The following GNG3 variants were observed in gnomAD, a reference collection of about 807,000 sequenced individuals.
GNG3 encodes the protein guanine nucleotide-binding protein G(I)/G(S)/G(O) subunit gamma-3.
A neutral mutation model predicts 5.6 loss-of-function variants in GNG3; 4 were observed. That is an observed-to-expected ratio of 0.71 (90% CI 0.35 to 1.63). The LOEUF (loss-of-function observed/expected upper bound fraction) is 1.63. Ranked by LOEUF, GNG3 falls within the 40% of genes most tolerant of loss-of-function variation. The probability of loss-of-function intolerance (pLI) is 0.05; values close to 1 mark genes in which losing one functional copy is unlikely to be tolerated. For synonymous variants in GNG3, 30 were observed against 33.5 expected, an observed-to-expected ratio of 0.89 and a Z score of 0.36; for missense variants, 62 against 96.6, an observed-to-expected ratio of 0.64 and a Z score of 1.50.
chr11:62,708,242 G>A, intron 1 of GNG3, 53 bp from the exon 2 acceptor site: 1 of 1,160,260 alleles, frequency 8.6e-7, no homozygotes. Context: ...GAGTGAGCAT[G>A]GAGGGGGGCC....
chr11:62,707,930 GT>G lies in GNG3; in HGVS notation c.-2+20del. The G allele has an allele frequency of 3.2e-6, 1 of 308,116 alleles. No individual in the cohort carries two copies. The highest frequency in any genetic ancestry group is 6.2e-6 in the Non-Finnish European group (1 of 160,346). The allele number at this position is 308,116 out of a possible 1,614,324, so 19.1% of individuals were successfully genotyped here. A position where few individuals can be genotyped will look rare whatever the true frequency, so the allele number is the denominator to read the frequency against. ...TGTGGCTTCAGGTAAGTAATGGCCT[GT>G]TTTTCTCCTGTTGGGGCTCACTGGA... On this transcript the variant is annotated intron_variant, in intron 1 of 2. Coordinates refer to ENST00000294117, the MANE Select transcript of GNG3 (RefSeq NM_012202.5).
In GNG3 at chr11:62,708,408, T is replaced by C. The variant is rs1007899107; in HGVS notation, c.99+14T>C. 3.8e-6 allele frequency: 6 copies of C among 1,575,948 alleles called. No homozygotes were observed. Among genetic ancestry groups the C allele is most frequent in the East Asian group, 2.2e-5 (1 of 44,696 alleles). ...TGTCGGATAAAGGTAGGTGGGACCC[T>C]GGCTGGCTCCCATTAGTTGGCCAGG... On this transcript the variant is annotated intron_variant, in intron 2 of 2. Transcript: ENST00000294117.
Position 62,709,197 on chromosome 11 carries a change from C to A in GNG3, c.*391C>A, listed in dbSNP as rs1226739751. The A allele has an allele frequency of 4.4e-6, 2 of 457,350 alleles. No homozygotes were observed. The highest frequency in any genetic ancestry group is 2.0e-5 in the African/African-American group (1 of 50,218). 28.3% of individuals were successfully genotyped at this position (457,350 alleles called of 1,614,324 possible). On this transcript the variant is annotated 3_prime_UTR_variant, in exon 3 of 3. Coordinates refer to ENST00000294117, the MANE Select transcript of GNG3 (RefSeq NM_012202.5). ...ATTTGAAGAATAAAGTCATCCAGAG[C>A]CTCAGGACAGCTCCTGTGTTAGAAT...
Position 62,708,764 on chromosome 11 carries a change from G to A in GNG3, c.186G>A (p.Glu62=). The part of the protein sequence containing the change: ...DPLITPVPTS[E]NPFREKKFFC... ...TCATCACCCCTGTGCCCACTTCGGAGAACCCCTTCCGGGAGAAGAAGTTCT... is the reference window on the plus strand; with the variant it reads ...TCATCACCCCTGTGCCCACTTCGGAAAACCCCTTCCGGGAGAAGAAGTTCT... Residue 62 remains glutamate, a synonymous_variant, in exon 3 of 3, where the codon GAG becomes GAA. Transcript: ENST00000294117. 6.2e-7 allele frequency: 1 copy of A among 1,614,116 alleles called. No individual in the cohort carries two copies. Among genetic ancestry groups the A allele is most frequent in the East Asian group, 2.2e-5 (1 of 44,886 alleles).
Position 62,708,843 on chromosome 11 carries a change from C to G in GNG3, c.*37C>G. On this transcript the variant is annotated 3_prime_UTR_variant, in exon 3 of 3. Coordinates refer to ENST00000294117, the MANE Select transcript of GNG3 (RefSeq NM_012202.5). ...CCTTCTCACAACTCCTCCCTTTTCC[C>G]TCTCCTGGGCCCTTCCTTAGGTCAG... 2.6e-6 allele frequency: 4 copies of G among 1,511,700 alleles called. No individual in the cohort carries two copies. Among genetic ancestry groups the G allele is most frequent in the Non-Finnish European group, 3.7e-6 (4 of 1,089,436 alleles). 93.6% of individuals were successfully genotyped at this position (1,511,700 alleles called of 1,614,324 possible). A position where few individuals can be genotyped will look rare whatever the true frequency, so the allele number is the denominator to read the frequency against.
chr11:62,706,771 G>C, upstream of GNG3: 1 of 548,482 alleles, frequency 1.8e-6, no homozygotes, highest in South Asian at 1.5e-5. Flanking sequence ...GGCCTCTTGC[G>C]TTGTTGCGCA....
chr11:62,708,640 G>A (rs374536489), intron 2 of GNG3, 38 bp from the exon 3 acceptor site: 3 of 1,610,442 alleles, frequency 1.9e-6, no homozygotes, highest in African/African-American at 1.3e-5. Context: ...CCCCTTCAGA[G>A]GTCCTGGCTA....
chr11:62,706,626 C>T, upstream of GNG3: 1 of 472,376 alleles, frequency 2.1e-6, no homozygotes, highest in Non-Finnish European at 4.4e-6. Context: ...CACCACAGGC[C>T]ATTTCACCCG....
chr11:62,709,082 G>A lies in GNG3; in HGVS notation c.*276G>A. On this transcript the variant is annotated 3_prime_UTR_variant, in exon 3 of 3. Coordinates refer to ENST00000294117, the MANE Select transcript of GNG3 (RefSeq NM_012202.5). ...CAGACTCTGCCAGCGCGTCCTGCCCGCTTCCCTCGGTGACCTGCTCAGACA... is the reference window on the plus strand; with the variant it reads ...CAGACTCTGCCAGCGCGTCCTGCCCACTTCCCTCGGTGACCTGCTCAGACA... The A allele has an allele frequency of 2.1e-6, 1 of 484,270 alleles. No individual in the cohort carries two copies. Among genetic ancestry groups the A allele is most frequent in the Non-Finnish European group, 3.9e-6 (1 of 254,026 alleles). 30.0% of individuals were successfully genotyped at this position (484,270 alleles called of 1,614,324 possible).
At chr11:62,706,845 A>G (rs1245119266), upstream of GNG3, 1 of 597,278 alleles carries the variant, frequency 1.7e-6, no homozygotes. Context: ...CTAACTGGAT[A>G]CACTCTCCCT....
At chr11:62,707,254 G>A (rs997855250), upstream of GNG3, 24 of 1,429,016 alleles carry the variant, frequency 1.7e-5, no homozygotes, top group Non-Finnish European at 2.2e-5. Context: ...TGGCTAAAAC[G>A]TGAAGTGGCG....
chr11:62,707,004 C>A (rs892456686), upstream of GNG3: 14 of 1,022,788 alleles, frequency 1.4e-5, no homozygotes, highest in Admixed American at 1.1e-4. Flanking sequence ...GTAATCTATT[C>A]AAAATGAATG....
chr11:62,707,965 G>A (rs534427596), intron 1 of GNG3, 50 bp downstream of exon 1: 11 of 364,168 alleles, frequency 3.0e-5, no homozygotes, highest in South Asian at 2.6e-4. Context: ...GAGCAGACAG[G>A]GGTGATGTGC....
chr11:62,708,973 C>T lies in GNG3; in HGVS notation c.*167C>T. 1.5e-6 allele frequency: 1 copy of T among 651,202 alleles called. No homozygotes were observed. The highest frequency in any genetic ancestry group is 2.7e-6 in the Non-Finnish European group (1 of 365,856). The allele number at this position is 651,202 out of a possible 1,614,324, so 40.3% of individuals were successfully genotyped here. A position where few individuals can be genotyped will look rare whatever the true frequency, so the allele number is the denominator to read the frequency against. On this transcript the variant is annotated 3_prime_UTR_variant, in exon 3 of 3. Coordinates refer to ENST00000294117, the MANE Select transcript of GNG3 (RefSeq NM_012202.5). Reference sequence around the variant, plus strand: ...GGCCCACCCTCACCTATCTGTCGACCCCATTTCCTACCACCTTTGTGGCCG... The same window carrying T: ...GGCCCACCCTCACCTATCTGTCGACTCCATTTCCTACCACCTTTGTGGCCG...
Position 62,708,882 on chromosome 11 carries a change from C to T in GNG3, c.*76C>T, listed in dbSNP as rs2083586780. The T allele has an allele frequency of 8.8e-7, 1 of 1,134,098 alleles. No homozygotes were observed. The highest frequency in any genetic ancestry group is 1.8e-5 in the Admixed American group (1 of 54,758). The allele number at this position is 1,134,098 out of a possible 1,614,324, so 70.3% of individuals were successfully genotyped here. A position where few individuals can be genotyped will look rare whatever the true frequency, so the allele number is the denominator to read the frequency against. On this transcript the variant is annotated 3_prime_UTR_variant, in exon 3 of 3. Transcript: ENST00000294117. ...TCCTTAGGTCAGTAATTGTTGTGAG[C>T]CCCTTAGGCTCCTTGCATCCCATCC...
rs772594761 is a variant in GNG3 at position 62,709,100 on chromosome 11, C to T, written c.*294C>T. On this transcript the variant is annotated 3_prime_UTR_variant, in exon 3 of 3. Transcript: ENST00000294117. ...CCTGCCCGCTTCCCTCGGTGACCTG[C>T]TCAGACAATGGAGAGGGATGGGCCA... 1 of 482,924 alleles carries T rather than the reference C, an allele frequency of 2.1e-6. No individual in the cohort carries two copies. Among genetic ancestry groups the T allele is most frequent in the South Asian group, 1.7e-5 (1 of 59,210 alleles). The allele number at this position is 482,924 out of a possible 1,614,324, so 29.9% of individuals were successfully genotyped here. A position where few individuals can be genotyped will look rare whatever the true frequency, so the allele number is the denominator to read the frequency against.
intron 1 of GNG3, 119 bp downstream of exon 1, chr11:62,708,034 C>G: frequency 2.0e-6 from 1 of 505,370 alleles, no homozygotes; most frequent in Non-Finnish European, 3.6e-6. Flanking sequence ...GTTTGAAGGG[C>G]TGAAAAGCCT....
rs1392313924 is a variant in GNG3 at position 62,707,835 on chromosome 11, G to A, written c.-82G>A. 4.0e-6 allele frequency: 1 copy of A among 251,576 alleles called. No individual in the cohort carries two copies. Among genetic ancestry groups the A allele is most frequent in the African/African-American group, 2.2e-5 (1 of 45,556 alleles). The allele number at this position is 251,576 out of a possible 1,614,324, so 15.6% of individuals were successfully genotyped here. A position where few individuals can be genotyped will look rare whatever the true frequency, so the allele number is the denominator to read the frequency against. On this transcript the variant is annotated 5_prime_UTR_variant, in exon 1 of 3. Transcript: ENST00000294117. ...TTCAGCTGCAACTCCCTACTGGGTGGGGCACCCATTTCAGGCAGAAGGTTT... is the reference window on the plus strand; with the variant it reads ...TTCAGCTGCAACTCCCTACTGGGTGAGGCACCCATTTCAGGCAGAAGGTTT...
chr11:62,708,477 G>A (rs749487122), intron 2 of GNG3, 83 bp downstream of exon 2: 17 of 1,249,512 alleles, frequency 1.4e-5, no homozygotes, highest in Admixed American at 3.4e-5. Context: ...TAAGAGATGC[G>A]TTCTTTCCTT....
Sources: allele counts gnomAD v4.1 joint callset, GRCh38; gene constraint gnomAD v4.1.1; transcripts MANE v1.5; gene names NCBI Gene and HGNC (gene_info 2026-07-23, HGNC 2026-07-21).